BBS9: variants seen among roughly 807,000 people sequenced by gnomAD.
The protein encoded by BBS9 is Bardet-Biedl syndrome 9.
Under a neutral mutation model 117.7 loss-of-function variants are expected in BBS9, and 89 were observed. The ratio of observed to expected loss-of-function variants is 0.76; its 90% CI spans 0.64 to 0.90. The LOEUF (loss-of-function observed/expected upper bound fraction) is 0.90. BBS9 is among the 40% of genes least tolerant of loss of function. BBS9 has a pLI of 0.00. For missense variants in BBS9, 982 were observed against 1,042.2 expected (o/e 0.94, Z 0.80); for synonymous variants, 379 against 370.9 (o/e 1.02, Z -0.25).
At chr7:33,349,219 A>G (rs1322138417) in intron 13 of BBS9, 49 bp downstream of exon 13, 1 of 1,319,200 alleles carries the variant, frequency 7.6e-7, no homozygotes, top group South Asian at 1.2e-5. Context: ...GAATTTTTTA[A>G]AAATACTAGT....
intron 19 of BBS9, among the ~76,000 whole-genome samples, chr7:33,457,783 A>G (rs1838857450): frequency 6.6e-6 from 1 of 152,190 alleles, no homozygotes; most frequent in African/African-American, 2.4e-5. Context: ...TAAAGACCTC[A>G]ATATCTCTAT....
chr7:33,187,649 G>T (rs571470908), intron 5 of BBS9, among the ~76,000 whole-genome samples: 1 of 152,220 alleles, frequency 6.6e-6, no homozygotes, highest in Non-Finnish European at 1.5e-5. Flanking sequence ...GCTGGCCATG[G>T]TGGCTCATGC....
chr7:33,479,216 C>T (rs1037453384), intron 19 of BBS9, among the ~76,000 whole-genome samples: 10 of 152,086 alleles, frequency 6.6e-5, no homozygotes, highest in East Asian at 1.9e-4. Context: ...GCATAGTACC[C>T]GCTAGGTAGT....
chr7:33,438,218 A>C (rs1414909908), intron 19 of BBS9, among the ~76,000 whole-genome samples: 1 of 152,234 alleles, frequency 6.6e-6, no homozygotes, highest in Non-Finnish European at 1.5e-5. Flanking sequence ...CTAAATGGGA[A>C]ACATATACCT....
intron 16 of BBS9, among the ~76,000 whole-genome samples, chr7:33,364,976 G>A (rs1006153737): frequency 6.6e-6 from 1 of 151,784 alleles, no homozygotes. Flanking sequence ...TGATGTGCCT[G>A]CCTCGGCCTC....
chr7:33,203,809 G>A (rs916257179), intron 5 of BBS9, among the ~76,000 whole-genome samples: 6 of 150,878 alleles, frequency 4.0e-5, no homozygotes, highest in Admixed American at 1.3e-4. Context: ...TGCAACCTCC[G>A]CCTCCCGGGC....
intron 5 of BBS9, among the ~76,000 whole-genome samples, chr7:33,255,202 C>T (rs1490372188): frequency 6.6e-6 from 1 of 151,904 alleles, no homozygotes; most frequent in Non-Finnish European, 1.5e-5. Context: ...TTTTTGTGTC[C>T]TATCCAAAAA....
chr7:33,623,858 C>T (rs1378071136), intron 21 of BBS9, among the ~76,000 whole-genome samples: 1 of 151,882 alleles, frequency 6.6e-6, no homozygotes, highest in African/African-American at 2.4e-5. Context: ...CAAAGATTAA[C>T]AAAATTTTTA....
intron 19 of BBS9, among the ~76,000 whole-genome samples, chr7:33,456,505 G>A (rs575545323): frequency 1.3e-5 from 2 of 151,828 alleles, no homozygotes; most frequent in African/African-American, 2.4e-5. Flanking sequence ...TTTTTAAGTG[G>A]TAATTAGAAA....
chr7:33,519,504 A>C (rs762035706), intron 20 of BBS9, among the ~76,000 whole-genome samples: 11 of 152,214 alleles, frequency 7.2e-5, no homozygotes, highest in Non-Finnish European at 1.6e-4. Context: ...CAGTTACAGT[A>C]GTCTATGAAG....
chr7:33,335,992 G>A (rs1489466559), intron 9 of BBS9, among the ~76,000 whole-genome samples: 1 of 152,090 alleles, frequency 6.6e-6, no homozygotes. Context: ...TCTGTCCCCT[G>A]GGTTGTCCTG....
At chr7:33,431,303 T>A (rs1278830572) in intron 19 of BBS9, among the ~76,000 whole-genome samples, 3 of 152,128 alleles carry the variant, frequency 2.0e-5, no homozygotes, top group Non-Finnish European at 4.4e-5. Context: ...TTGATGTAGA[T>A]TTTTGACTAG....
intron 9 of BBS9, among the ~76,000 whole-genome samples, chr7:33,318,931 A>G (rs1415179138): frequency 6.6e-6 from 1 of 152,086 alleles, no homozygotes; most frequent in African/African-American, 2.4e-5. Context: ...TTGGGAGGCC[A>G]GTGTGGGCGG....
intron 21 of BBS9, among the ~76,000 whole-genome samples, chr7:33,629,302 A>G (rs1220350899): frequency 6.6e-6 from 1 of 152,190 alleles, no homozygotes; most frequent in Non-Finnish European, 1.5e-5. Flanking sequence ...TAAATCCTGC[A>G]TGGGGGGGTT....
chr7:33,490,636 A>T (rs1843764524), intron 19 of BBS9, among the ~76,000 whole-genome samples: 1 of 152,214 alleles, frequency 6.6e-6, no homozygotes, highest in Non-Finnish European at 1.5e-5. Flanking sequence ...ATTAAGGTTC[A>T]TGCAGCACCT....
intron 4 of BBS9, among the ~76,000 whole-genome samples, chr7:33,160,130 A>C (rs1296748038): frequency 6.6e-6 from 1 of 152,208 alleles, no homozygotes; most frequent in Non-Finnish European, 1.5e-5. Context: ...AGAGAATACA[A>C]AGTCTGTTGT....
intron 21 of BBS9, among the ~76,000 whole-genome samples, chr7:33,594,798 A>G (rs1367408793): frequency 6.6e-6 from 1 of 152,086 alleles, no homozygotes; most frequent in Non-Finnish European, 1.5e-5. Context: ...TGCTTTGATG[A>G]GGTCTGTGCC....
At chr7:33,539,855 C>A (rs900366029) in intron 21 of BBS9, among the ~76,000 whole-genome samples, 6 of 152,216 alleles carry the variant, frequency 3.9e-5, no homozygotes, top group Non-Finnish European at 7.3e-5. Context: ...TTTTCCTCTG[C>A]AGCCAATTCG....
chr7:33,608,252 G>A (rs1694559723), downstream of BBS9, among the ~76,000 whole-genome samples: 1 of 152,042 alleles, frequency 6.6e-6, no homozygotes, highest in Non-Finnish European at 1.5e-5. Context: ...GTATTCTGTG[G>A]TATACGTGTA....
Sources: gnomAD v4.1 joint callset for allele counts (sites outside exome capture counted in the v4.1 genomes callset) on GRCh38, gnomAD v4.1.1 for gene constraint, MANE v1.5 for transcripts, NCBI Gene and HGNC (gene_info 2026-07-23, HGNC 2026-07-21) for gene names.